The following RPP40 variants were observed in gnomAD, a reference collection of about 807,000 sequenced individuals.
RPP40 encodes ribonuclease P/MRP subunit p40, also known as ribonuclease P protein subunit p40.
Under a neutral mutation model 42.5 loss-of-function variants are expected in RPP40, and 30 were observed. That is an observed-to-expected ratio of 0.71 (90% CI 0.53 to 0.96). RPP40 has a LOEUF of 0.96. Among genes scored for constraint, RPP40 ranks in the 40% least tolerant of loss-of-function variants. The pLI is 0.00. For synonymous variants in RPP40, 173 were observed against 164.0 expected, an observed-to-expected ratio of 1.05 and a Z score of -0.42; for missense variants, 426 against 433.5, an observed-to-expected ratio of 0.98 and a Z score of 0.15.
chr6:5,000,397 A>G (rs1759513445), intron 3 of RPP40, among the ~76,000 whole-genome samples, 166 bp downstream of exon 3: 1 of 151,496 alleles, frequency 6.6e-6, no homozygotes, highest in Non-Finnish European at 1.5e-5. Flanking sequence ...CATGTTGGCC[A>G]GGCTGGTCTC....
chr6:5,001,107 C>T (rs1749158), intron 2 of RPP40: 132,544 of 456,140 alleles, frequency 0.29, 19,852 homozygotes, highest in African/African-American at 0.38. Context: ...TGGGGATGCG[C>T]GGAGAGGGGT....
At chr6:4,992,624 T>G (rs1334637579), downstream of RPP40, among the ~76,000 whole-genome samples, 2 of 152,202 alleles carry the variant, frequency 1.3e-5, no homozygotes, top group East Asian at 3.8e-4. Context: ...CAGAATATAA[T>G]TAGGTCATGT....
Position 5,001,794 on chromosome 6 carries a change from C to A in RPP40, c.268+307G>T, listed in dbSNP as rs559551382. ...AGTGTCTTTGCAGCCACATCTTCAA[C>A]AGCAGTGCATCTGAACACAGACTGC... On this transcript the variant is annotated intron_variant, in intron 2 of 7. Transcript: ENST00000380051. 7.5e-5 allele frequency: 17 copies of A among 225,954 alleles called. No homozygotes were observed. The South Asian group carries it at 1.8e-3, about 25-fold the overall frequency. The allele number at this position is 225,954 out of a possible 1,614,324, so 14.0% of individuals were successfully genotyped here.
intron 2 of RPP40, among the ~76,000 whole-genome samples, chr6:5,001,343 G>C (rs912711): frequency 0.89 from 135,133 of 152,252 alleles, 60,089 homozygotes; most frequent in East Asian, 0.99. Context: ...CCTTGAAATA[G>C]ATGAAAGGAA....
At chr6:4,993,430 A>G (rs777654207), downstream of RPP40, among the ~76,000 whole-genome samples, 1 of 152,216 alleles carries the variant, frequency 6.6e-6, no homozygotes, top group Non-Finnish European at 1.5e-5. Context: ...TTCTGTAAGC[A>G]TAAAGCATAC....
intron 5 of RPP40, among the ~76,000 whole-genome samples, 154 bp from the exon 6 acceptor site, chr6:4,996,574 T>C (rs1184237217): frequency 6.6e-6 from 1 of 152,242 alleles, no homozygotes; most frequent in Non-Finnish European, 1.5e-5. Flanking sequence ...CATTTAAAGC[T>C]GCTTTCAGCT....
rs1184438266 is a variant in RPP40 at position 4,996,003 on chromosome 6, T to C, written c.841A>G (p.Ile281Val). 3 of 1,613,954 alleles carry C rather than the reference T, an allele frequency of 1.9e-6. No individual in the cohort carries two copies. The highest frequency in any genetic ancestry group is 1.3e-5 in the African/African-American group (1 of 74,918). Residue 281 changes from isoleucine (I) to valine (V), a missense_variant, in exon 7 of 8, where the codon ATC becomes GTC. By Grantham distance (29) the Ile-to-Val change is conservative (BLOSUM62 3). Coordinates refer to ENST00000380051, the MANE Select transcript of RPP40 (RefSeq NM_006638.4). The stretch of plus-strand genomic sequence containing the variant: ...TTCTCTGGAAGTATGAAGCCAGTGA[T>C]TGTACACAAATAAGCTTTTGCCACC... ...TVVAKAYLCT[I>V]TGFILPEKIC...
intron 5 of RPP40, among the ~76,000 whole-genome samples, chr6:4,996,939 A>C (rs1167854049): frequency 6.6e-6 from 1 of 152,210 alleles, no homozygotes; most frequent in African/African-American, 2.4e-5. Context: ...GGCAAAGGGC[A>C]GGCTTGCTTA....
downstream of RPP40, among the ~76,000 whole-genome samples, chr6:4,993,291 G>A (rs140884315): frequency 2.6e-5 from 4 of 152,226 alleles, no homozygotes; most frequent in South Asian, 2.1e-4. Context: ...TTTCAGTGGC[G>A]TCTAGTCTGC....
At chr6:4,988,955 T>C in the RPP40 span, among the ~76,000 whole-genome samples, 2 of 152,184 alleles carry the variant, frequency 1.3e-5, no homozygotes, top group South Asian at 4.1e-4. Context: ...GGAGATAAAG[T>C]TTTTCAGCAT....
chr6:4,994,023 G>A (rs570269596), downstream of RPP40, among the ~76,000 whole-genome samples: 11 of 151,546 alleles, frequency 7.3e-5, no homozygotes, highest in African/African-American at 1.2e-4. Flanking sequence ...GAAAAGTGGC[G>A]TCAGTACTCC....
At position 4,994,838 on chromosome 6, in the gene RPP40, A is replaced by G. The variant is rs1271970; in HGVS notation, c.*240T>C. 0.6 allele frequency: 298,133 copies of G among 499,764 alleles called. 91,109 individuals carry two copies. Among genetic ancestry groups the G allele is most frequent in the East Asian group, 0.85 (27,142 of 31,984 alleles). 31.0% of individuals were successfully genotyped at this position (499,764 alleles called of 1,614,324 possible). ...TGGACATCCTGGCCCAGTGTACCAC[A>G]TAGTAACCCACAACCCTGTGCTTAT... On this transcript the variant is annotated 3_prime_UTR_variant, in exon 8 of 8. Transcript: ENST00000380051.
chr6:4,995,970 G>C lies in RPP40; in HGVS notation c.874C>G (p.Leu292Val), dbSNP rs1759364487. 3 of 1,614,080 alleles carry C rather than the reference G, an allele frequency of 1.9e-6. No individual in the cohort carries two copies. Among genetic ancestry groups the C allele is most frequent in the Non-Finnish European group, 1.7e-6 (2 of 1,179,938 alleles). ...TGFILPEKIC[L>V]LLEHLCHYFD... Reference sequence around the variant, plus strand: ...TCTCACCAGAGATGTTCCAATAGGAGACAGATCTTCTCTGGAAGTATGAAG... The same window carrying C: ...TCTCACCAGAGATGTTCCAATAGGACACAGATCTTCTCTGGAAGTATGAAG... Residue 292 changes from leucine to valine, a missense_variant, in exon 7 of 8, where the codon CTC becomes GTC. Coordinates refer to ENST00000380051, the MANE Select transcript of RPP40 (RefSeq NM_006638.4).
At chr6:4,996,929 G>C (rs1055690838) in intron 5 of RPP40, among the ~76,000 whole-genome samples, 1 of 152,164 alleles carries the variant, frequency 6.6e-6, no homozygotes, top group Non-Finnish European at 1.5e-5. Context: ...CTCCCTCCAC[G>C]GCAAAGGGCA....
At chr6:4,993,486 A>G (rs1370225597), downstream of RPP40, among the ~76,000 whole-genome samples, 1 of 152,174 alleles carries the variant, frequency 6.6e-6, no homozygotes, top group African/African-American at 2.4e-5. Flanking sequence ...TCTTTCTGAG[A>G]CTTAACGGCC....
At chr6:4,995,884 T>C in intron 7 of RPP40, 67 bp downstream of exon 7, 1 of 1,489,988 alleles carries the variant, frequency 6.7e-7, no homozygotes, top group South Asian at 1.3e-5. Flanking sequence ...AATGAAAAAA[T>C]CTATACTATT....
downstream of RPP40, among the ~76,000 whole-genome samples, chr6:4,991,575 A>G (rs1246981): frequency 0.27 from 41,645 of 151,870 alleles, 6,436 homozygotes; most frequent in African/African-American, 0.43. Flanking sequence ...ATTCTTATTG[A>G]TTTTCTGCCT....
Position 4,994,882 on chromosome 6 carries a change from A to C in RPP40, c.*196T>G, listed in dbSNP as rs78593012. 0.028 allele frequency: 16,574 copies of C among 590,528 alleles called. 318 individuals carry two copies. The highest frequency in any genetic ancestry group is 0.037 in the Non-Finnish European group (12,266 of 334,316). The allele number at this position is 590,528 out of a possible 1,614,324, so 36.6% of individuals were successfully genotyped here. ...TGCTTATGTTGACAGAGAGAAATCA[A>C]CTATGAGCTATTCACTGGACAGCAG... On this transcript the variant is annotated 3_prime_UTR_variant, in exon 8 of 8. Coordinates refer to ENST00000380051, the MANE Select transcript of RPP40 (RefSeq NM_006638.4).
chr6:4,996,990 C>T (rs561493123), intron 5 of RPP40, among the ~76,000 whole-genome samples: 4 of 152,304 alleles, frequency 2.6e-5, no homozygotes, highest in African/African-American at 7.2e-5. Context: ...TCCCTCTCTC[C>T]GGGCAGATAT....
Sources: gnomAD v4.1 joint callset for allele counts (sites outside exome capture counted in the v4.1 genomes callset) on GRCh38, gnomAD v4.1.1 for gene constraint, MANE v1.5 for transcripts, NCBI Gene and HGNC (gene_info 2026-07-23, HGNC 2026-07-21) for gene names.